Variants in SRP68 observed in about 807,000 individuals in gnomAD.
SRP68 encodes the protein signal recognition particle subunit SRP68.
SRP68 carries 15 observed loss-of-function variants against 82.2 expected under a neutral mutation model. The ratio of observed to expected loss-of-function variants is 0.18; its 90% CI spans 0.12 to 0.28. The LOEUF (loss-of-function observed/expected upper bound fraction) is 0.28. Among genes scored for constraint, SRP68 ranks in the 10% least tolerant of loss-of-function variants. The pLI is 1.00. For missense variants in SRP68, 595 were observed against 780.5 expected (o/e 0.76, Z 2.83); for synonymous variants, 261 against 292.6 (o/e 0.89, Z 1.10).
In SRP68 at chr17:76,039,803, T is replaced by C. The variant is rs1212537967; in HGVS notation, c.1787A>G (p.Asn596Ser). The C allele has an allele frequency of 2.5e-6, 4 of 1,614,182 alleles. No homozygotes were observed. The highest frequency in any genetic ancestry group is 3.4e-6 in the Non-Finnish European group (4 of 1,180,024). ...CTCAAGGGGTGGGAAAGCCACATGG[T>C]TGAGGGCCAGGTCAAAGAACAAAGG... Reference protein sequence around the residue: ...CKPLFFDLALNHVAFPPLEDK... With the variant: ...CKPLFFDLALSHVAFPPLEDK... Residue 596 changes from asparagine to serine, a missense_variant, in exon 16 of 16, where the codon AAC (asparagine) becomes AGC (serine). Physicochemically the swap from Asn to Ser is conservative, Grantham distance 46 (BLOSUM62 1). Coordinates refer to ENST00000307877, the MANE Select transcript of SRP68 (RefSeq NM_014230.4).
intron 4 of SRP68, among the ~76,000 whole-genome samples, chr17:76,062,683 TAATATACATTA>T: frequency 2.7e-5 from 1 of 37,388 alleles, no homozygotes; most frequent in African/African-American, 3.3e-4. Flanking sequence ...ATATAATATA[TAATATACATTA>T]TATATTGTAT....
At chr17:76,046,394 G>T (rs1222331489) in intron 10 of SRP68, among the ~76,000 whole-genome samples, 200 bp from the exon 11 acceptor site, 1 of 148,810 alleles carries the variant, frequency 6.7e-6, no homozygotes, top group Admixed American at 6.8e-5. Context: ...ACCCGCATGA[G>T]ATCTTATCAC....
At position 76,040,586 on chromosome 17, in the gene SRP68, C is replaced by G. The variant is rs555763909; in HGVS notation, c.1601-112G>C. 1,530 of 1,053,764 alleles carry G rather than the reference C, an allele frequency of 1.5e-3. 2 individuals carry two copies. The highest frequency in any genetic ancestry group is 1.3e-3 in the Non-Finnish European group (875 of 685,782). 65.3% of individuals were successfully genotyped at this position (1,053,764 alleles called of 1,614,324 possible). A position where few individuals can be genotyped will look rare whatever the true frequency, so the allele number is the denominator to read the frequency against. On this transcript the variant is annotated intron_variant, in intron 14 of 15. Coordinates refer to ENST00000307877, the MANE Select transcript of SRP68 (RefSeq NM_014230.4). ...ACATCCCAAAAGCAAAAGGAGCCAG[C>G]ATGTGGGGAAGCCAGGCCTGTCTCC...
chr17:76,072,446 T>TGCCGCC lies in SRP68; in HGVS notation c.40_45dup (p.Gly14_Gly15dup), dbSNP rs536477130. On this transcript the variant is annotated inframe_insertion, in exon 1 of 16. Coordinates refer to ENST00000307877, the MANE Select transcript of SRP68 (RefSeq NM_014230.4). The surrounding 1 kb of genome is among the most constrained non-coding windows in gnomAD (Gnocchi z 4.5). ...CCGCCACTGCCACCGCCGCCGCCACTGCCGCCGCCGCCGCCGCCGCCTGGG... is the reference window on the plus strand; with the variant it reads ...CCGCCACTGCCACCGCCGCCGCCACTGCCGCCGCCGCCGCCGCCGCCGCCGCCTGGG... The TGCCGCC allele has an allele frequency of 1.0e-3, 1,578 of 1,579,176 alleles. 4 individuals are homozygous for TGCCGCC. Among genetic ancestry groups the TGCCGCC allele is most frequent in the Non-Finnish European group, 1.1e-3 (1,308 of 1,165,228 alleles).
At position 76,072,512 on chromosome 17, in the gene SRP68, C is replaced by A. The variant is rs1278604589; in HGVS notation, c.-21G>T. The A allele has an allele frequency of 3.2e-6, 5 of 1,577,484 alleles. No individual in the cohort carries two copies. Among genetic ancestry groups the A allele is most frequent in the Non-Finnish European group, 3.4e-6 (4 of 1,171,654 alleles). On this transcript the variant is annotated 5_prime_UTR_variant, in exon 1 of 16. Transcript: ENST00000307877. This position sits in a 1 kb window ranked among gnomAD's most constrained non-coding sequence, Gnocchi z 4.5. The stretch of plus-strand genomic sequence containing the variant: ...GCCATCTTGCCCCTGCGCCGCAGAG[C>A]AAGACGGGATAGGGGAGGCGGGACG...
intron 7 of SRP68, among the ~76,000 whole-genome samples, chr17:76,058,952 G>A (rs1233565293): frequency 3.3e-5 from 5 of 152,222 alleles, no homozygotes; most frequent in Non-Finnish European, 7.3e-5. Flanking sequence ...GTGTATGGCT[G>A]GATAAGGTGG....
chr17:76,062,767 A>AT (rs2066776577), intron 4 of SRP68, among the ~76,000 whole-genome samples: 2 of 72,416 alleles, frequency 2.8e-5, no homozygotes, highest in South Asian at 3.7e-4. Flanking sequence ...ATATATATAA[A>AT]ATATATATAT....
chr17:76,051,614 C>G (rs1220212017), intron 8 of SRP68, among the ~76,000 whole-genome samples: 3 of 152,130 alleles, frequency 2.0e-5, no homozygotes, highest in African/African-American at 7.2e-5. Flanking sequence ...TATTTCTTCT[C>G]TTTTCTTAGT....
At chr17:76,060,128 A>AAC (rs1415646661) in intron 7 of SRP68, among the ~76,000 whole-genome samples, 180 bp downstream of exon 7, 1 of 141,322 alleles carries the variant, frequency 7.1e-6, no homozygotes, top group Non-Finnish European at 1.5e-5. Flanking sequence ...TCCATCTCAA[A>AAC]AAAAAAAAAA....
chr17:76,040,307 A>C lies in SRP68; in HGVS notation c.1656+112T>G, dbSNP rs1181882772. On this transcript the variant is annotated intron_variant, in intron 15 of 15. Transcript: ENST00000307877. The stretch of plus-strand genomic sequence containing the variant: ...TGAGGTTGGGTAAGAGAAGGGAGGG[A>C]GGTGGGGGGTTTCCTTAGAAATTTA... 3.0e-6 allele frequency: 3 copies of C among 1,008,754 alleles called. No individual in the cohort carries two copies. The East Asian group carries it at 7.2e-5, about 24-fold the overall frequency. The allele number at this position is 1,008,754 out of a possible 1,614,324, so 62.5% of individuals were successfully genotyped here. A position where few individuals can be genotyped will look rare whatever the true frequency, so the allele number is the denominator to read the frequency against.
intron 4 of SRP68, among the ~76,000 whole-genome samples, chr17:76,062,265 C>T (rs1036352235): frequency 2.8e-5 from 4 of 141,138 alleles, no homozygotes; most frequent in Non-Finnish European, 3.0e-5. Context: ...CCAATCTGGG[C>T]GACAGAGTGA....
At chr17:76,058,663 G>A (rs1348509003) in intron 7 of SRP68, among the ~76,000 whole-genome samples, 1 of 152,174 alleles carries the variant, frequency 6.6e-6, no homozygotes, top group Admixed American at 6.6e-5. Flanking sequence ...GTAACACTAA[G>A]TTTTGGTAAG....
chr17:76,062,503 A>ATATATAATATATATTATATAT (rs2066760845), intron 4 of SRP68, among the ~76,000 whole-genome samples: 4 of 79,620 alleles, frequency 5.0e-5, no homozygotes, highest in Non-Finnish European at 9.0e-5. Context: ...TATATAATAT[A>ATATATAATATATATTATATAT]TATATAATAT....
Position 76,071,422 on chromosome 17 carries a change from C to T in SRP68, c.184+886G>A, listed in dbSNP as rs912376329. Among the ~76,000 whole-genome samples the T allele has an allele frequency of 1.7e-4, 26 of 152,162 alleles. No homozygotes were observed. The highest frequency in any genetic ancestry group is 1.5e-4 in the Non-Finnish European group (10 of 68,026). On this transcript the variant is annotated intron_variant, in intron 1 of 15. Coordinates refer to ENST00000307877, the MANE Select transcript of SRP68 (RefSeq NM_014230.4). The surrounding 1 kb of genome is among the most constrained non-coding windows in gnomAD (Gnocchi z 4.7). ...GTATAGTTTTAATGTTTCCTCAACA[C>T]TTCTCTAGAGACATATTTTAAAATA...
At chr17:76,063,241 C>A (rs933639670) in intron 4 of SRP68, among the ~76,000 whole-genome samples, 1 of 152,158 alleles carries the variant, frequency 6.6e-6, no homozygotes, top group Non-Finnish European at 1.5e-5. Flanking sequence ...TGAGCTATAA[C>A]ATAAGCATCA....
chr17:76,057,735 C>T (rs911282629), intron 7 of SRP68, among the ~76,000 whole-genome samples, 192 bp from the exon 8 acceptor site: 15 of 151,692 alleles, frequency 9.9e-5, no homozygotes, highest in African/African-American at 2.9e-4. Flanking sequence ...AGTGCAGTGG[C>T]GCTATCTAGG....
At chr17:76,046,653 A>T (rs1207935859) in intron 10 of SRP68, among the ~76,000 whole-genome samples, 1 of 151,690 alleles carries the variant, frequency 6.6e-6, no homozygotes, top group Non-Finnish European at 1.5e-5. Context: ...AAACAAAAAA[A>T]ACGGGGGGCC....
intron 4 of SRP68, among the ~76,000 whole-genome samples, chr17:76,062,774 A>G (rs1272571408): frequency 2.1e-5 from 2 of 93,322 alleles, no homozygotes; most frequent in African/African-American, 4.6e-5. Context: ...TAAAATATAT[A>G]TATATATTTT....
intron 8 of SRP68, among the ~76,000 whole-genome samples, chr17:76,052,720 C>T (rs569924523): frequency 6.6e-5 from 10 of 150,392 alleles, no homozygotes; most frequent in African/African-American, 1.7e-4. Context: ...AGGAGAATGG[C>T]GTGAACCCGG....
Sources: gnomAD v4.1 joint callset for allele counts (sites outside exome capture counted in the v4.1 genomes callset) on GRCh38, gnomAD v4.1.1 for gene constraint, Gnocchi (gnomAD v3.1) non-coding constraint, MANE v1.5 for transcripts, NCBI Gene and HGNC (gene_info 2026-07-23, HGNC 2026-07-21) for gene names.